TMX4: variants seen among roughly 807,000 people sequenced by gnomAD.
TMX4 encodes thioredoxin-related transmembrane protein 4.
A neutral mutation model predicts 33.3 loss-of-function variants in TMX4; 23 were observed. The observed-to-expected ratio is 0.69, with a 90% CI of 0.50 to 0.98. The LOEUF is 0.98. TMX4 is among the 50% of genes least tolerant of loss of function. The probability of loss-of-function intolerance (pLI) is 0.00; values close to 1 mark genes in which losing one functional copy is unlikely to be tolerated. For synonymous variants in TMX4, 164 were observed against 161.5 expected, an observed-to-expected ratio of 1.02 and a Z score of -0.12; for missense variants, 399 against 448.9, an observed-to-expected ratio of 0.89 and a Z score of 1.01.
intron 4 of TMX4, among the ~76,000 whole-genome samples, chr20:7,996,933 C>G (rs6055446): frequency 0.051 from 7,699 of 152,202 alleles, 619 homozygotes; most frequent in African/African-American, 0.17. Context: ...ACCCTCACCA[C>G]TACAGGAACA....
At chr20:8,008,379 T>C (rs1375478485) in intron 2 of TMX4, among the ~76,000 whole-genome samples, 1 of 152,138 alleles carries the variant, frequency 6.6e-6, no homozygotes, top group Non-Finnish European at 1.5e-5. Flanking sequence ...ATTTCAAGTA[T>C]ATATATTTCA....
At position 8,019,663 on chromosome 20, in the gene TMX4, G is replaced by A. The variant is rs1385159096; in HGVS notation, c.-50C>T. 2 of 1,282,980 alleles carry A rather than the reference G, an allele frequency of 1.6e-6. No individual in the cohort carries two copies. The highest frequency in any genetic ancestry group is 4.2e-5 in the Admixed American group (1 of 23,690). 79.5% of individuals were successfully genotyped at this position (1,282,980 alleles called of 1,614,324 possible). A position where few individuals can be genotyped will look rare whatever the true frequency, so the allele number is the denominator to read the frequency against. The stretch of plus-strand genomic sequence containing the variant: ...GGCGGGGAGTGTGGGGAAGGGCAGC[G>A]GCCGGCCCGCAGCCTCGCTCGCCCG... On this transcript the variant is annotated 5_prime_UTR_variant, in exon 1 of 8. Coordinates refer to ENST00000246024, the MANE Select transcript of TMX4 (RefSeq NM_021156.4).
chr20:8,003,963 A>T (rs893024042), intron 2 of TMX4, among the ~76,000 whole-genome samples: 1 of 152,070 alleles, frequency 6.6e-6, no homozygotes, highest in Admixed American at 6.5e-5. Context: ...GCAGCACCCA[A>T]CTCAGACACG....
intron 2 of TMX4, among the ~76,000 whole-genome samples, chr20:8,007,098 C>T (rs2050734229): frequency 6.6e-6 from 1 of 152,132 alleles, no homozygotes; most frequent in Non-Finnish European, 1.5e-5. Flanking sequence ...GTTGCAGTGG[C>T]CTGTTCTCAC....
chr20:7,999,280 C>A (rs1251734153), intron 4 of TMX4, among the ~76,000 whole-genome samples: 1 of 152,184 alleles, frequency 6.6e-6, no homozygotes, highest in African/African-American at 2.4e-5. Context: ...CCAAAGCTAT[C>A]CCCTGTGGTA....
chr20:7,997,153 A>C (rs2050679840), intron 4 of TMX4, among the ~76,000 whole-genome samples: 1 of 151,886 alleles, frequency 6.6e-6, no homozygotes, highest in South Asian at 2.1e-4. Flanking sequence ...TTCTCAACAC[A>C]GTTTCTTAAT....
intron 4 of TMX4, among the ~76,000 whole-genome samples, chr20:7,996,486 C>T (rs1457423572): frequency 2.0e-5 from 3 of 152,134 alleles, no homozygotes; most frequent in African/African-American, 4.8e-5. Context: ...CACATCTTCC[C>T]ATCCCCATGT....
rs1393974203 is a variant in TMX4 at position 7,982,412 on chromosome 20, T to G, written c.889A>C (p.Asn297His). The change falls in exon 8 of 8, where the codon AAT becomes CAT. Residue 297 changes from asparagine (N) to histidine (H), a missense_variant. Coordinates refer to ENST00000246024, the MANE Select transcript of TMX4 (RefSeq NM_021156.4). ...TCCTCTCCTGGGGGCCCCTGATCAT[T>G]GGCCTCACTTCTCTCCTCATCCACA... ...AGVDEERSEA[N>H]DQGPPGEDGV... The G allele has an allele frequency of 6.2e-7, 1 of 1,614,106 alleles. No individual in the cohort carries two copies. The highest frequency in any genetic ancestry group is 1.7e-5 in the Admixed American group (1 of 60,024).
Position 8,019,620 on chromosome 20 carries a change from C to T in TMX4, c.-7G>A. On this transcript the variant is annotated 5_prime_UTR_variant, in exon 1 of 8. Transcript: ENST00000246024. ...CGCAGCGCCCACCCGCCATGTTGGGCGCCGAGCGAGGCTTCTCGGCGGGGA... is the reference window on the plus strand; with the variant it reads ...CGCAGCGCCCACCCGCCATGTTGGGTGCCGAGCGAGGCTTCTCGGCGGGGA... 7.5e-6 allele frequency: 10 copies of T among 1,337,742 alleles called. No individual in the cohort carries two copies. The highest frequency in any genetic ancestry group is 9.6e-6 in the Non-Finnish European group (10 of 1,043,646). 82.9% of individuals were successfully genotyped at this position (1,337,742 alleles called of 1,614,324 possible).
intron 6 of TMX4, among the ~76,000 whole-genome samples, chr20:7,984,228 A>G (rs2050620979): frequency 6.6e-6 from 1 of 152,256 alleles, no homozygotes; most frequent in Non-Finnish European, 1.5e-5. Context: ...CCCTGATTGA[A>G]TGGAAGAACA....
chr20:7,981,370 A>T lies in TMX4; in HGVS notation c.*881T>A, dbSNP rs1202929783. On this transcript the variant is annotated 3_prime_UTR_variant, in exon 8 of 8. Transcript: ENST00000246024. ...ACTTAGAGGACTTCTGGCTTGAAAAATATTGCTTAGAAAACTTAAAAAAAA... is the reference window on the plus strand; with the variant it reads ...ACTTAGAGGACTTCTGGCTTGAAAATTATTGCTTAGAAAACTTAAAAAAAA... 1 of 152,226 alleles carries T rather than the reference A, an allele frequency of 6.6e-6. No individual in the cohort carries two copies. The highest frequency in any genetic ancestry group is 1.5e-5 in the Non-Finnish European group (1 of 68,048). 9.4% of individuals were successfully genotyped at this position (152,226 alleles called of 1,614,324 possible).
At chr20:8,019,247 C>A in intron 1 of TMX4, 191 bp downstream of exon 1, 1 of 660,668 alleles carries the variant, frequency 1.5e-6, no homozygotes, top group Non-Finnish European at 2.4e-6. Flanking sequence ...TCCGCGGACC[C>A]CAGGTCGAGC....
At chr20:8,018,449 GGGGAGGGAGGGAGGGA>G (rs1235545161) in intron 1 of TMX4, among the ~76,000 whole-genome samples, 2 of 17,470 alleles carry the variant, frequency 1.1e-4, no homozygotes, top group Non-Finnish European at 1.7e-4. Flanking sequence ...AGAGAGAGAG[GGGGAGGGAGGGAGGGA>G]GGGAGGGAGG....
chr20:8,005,784 A>C (rs181055791), intron 2 of TMX4, among the ~76,000 whole-genome samples: 3 of 152,214 alleles, frequency 2.0e-5, no homozygotes, highest in African/African-American at 7.2e-5. Flanking sequence ...AGAACAACGG[A>C]AAGTTTGGCC....
At chr20:8,007,855 A>G (rs1453665267) in intron 2 of TMX4, among the ~76,000 whole-genome samples, 2 of 152,192 alleles carry the variant, frequency 1.3e-5, no homozygotes, top group African/African-American at 4.8e-5. Flanking sequence ...ATCATTTTGT[A>G]CATTTTTATC....
intron 2 of TMX4, among the ~76,000 whole-genome samples, chr20:8,009,113 T>C (rs1032726394): frequency 5.3e-5 from 8 of 152,164 alleles, no homozygotes; most frequent in Non-Finnish European, 1.2e-4. Flanking sequence ...TGAATGTCAA[T>C]GAAAAAGATG....
chr20:7,994,302 T>G (rs2050667183), intron 5 of TMX4, among the ~76,000 whole-genome samples: 1 of 152,196 alleles, frequency 6.6e-6, no homozygotes, highest in Non-Finnish European at 1.5e-5. Context: ...GATCACATTC[T>G]GTTCTCCAAA....
At chr20:8,008,027 G>A (rs937111383) in intron 2 of TMX4, among the ~76,000 whole-genome samples, 5 of 152,038 alleles carry the variant, frequency 3.3e-5, no homozygotes, top group Non-Finnish European at 7.4e-5. Context: ...GCCTGTTTAT[G>A]GTAGAAACTC....
intron 2 of TMX4, among the ~76,000 whole-genome samples, chr20:8,002,223 C>T (rs945769466): frequency 1.3e-5 from 2 of 152,196 alleles, no homozygotes; most frequent in Non-Finnish European, 2.9e-5. Context: ...ACCCTTAGTA[C>T]CTCAACAAAT....
Sources: gnomAD v4.1 joint callset for allele counts (sites outside exome capture counted in the v4.1 genomes callset) on GRCh38, gnomAD v4.1.1 for gene constraint, MANE v1.5 for transcripts, NCBI Gene and HGNC (gene_info 2026-07-23, HGNC 2026-07-21) for gene names.